Variants in ADAM32 observed in about 807,000 individuals in gnomAD.
The protein encoded by ADAM32 is ADAM metallopeptidase domain 32.
ADAM32 carries 89 observed loss-of-function variants against 114.9 expected under a neutral mutation model. That is an observed-to-expected ratio of 0.77 (90% CI 0.65 to 0.92). ADAM32 has a LOEUF of 0.92. Ranked by LOEUF, ADAM32 falls within the 40% of genes least tolerant of loss-of-function variation. ADAM32 has a pLI of 0.00. For synonymous variants in ADAM32, 285 were observed against 307.5 expected (o/e 0.93, Z 0.77); for missense variants, 870 against 932.8 (o/e 0.93, Z 0.88).
At chr8:39,249,064 C>T (rs934958763) in intron 17 of ADAM32, among the ~76,000 whole-genome samples, 4 of 151,680 alleles carry the variant, frequency 2.6e-5, no homozygotes, top group Admixed American at 6.6e-5. Flanking sequence ...CCACCATGCC[C>T]GGATAATTTT....
intron 11 of ADAM32, among the ~76,000 whole-genome samples, chr8:39,209,848 C>G (rs773602949): frequency 3.9e-5 from 6 of 152,166 alleles, no homozygotes; most frequent in Non-Finnish European, 8.8e-5. Flanking sequence ...GAGTTGCTCT[C>G]TATACTGCAC....
At chr8:39,169,824 T>C in intron 9 of ADAM32, 92 bp from the exon 10 acceptor site, 4 of 942,352 alleles carry the variant, frequency 4.2e-6, no homozygotes, top group Non-Finnish European at 6.2e-6. Context: ...CAGATTTGGA[T>C]TTTATGAACT....
At chr8:39,222,572 A>G (rs1809047264) in intron 13 of ADAM32, among the ~76,000 whole-genome samples, 2 of 152,116 alleles carry the variant, frequency 1.3e-5, no homozygotes, top group African/African-American at 4.8e-5. Flanking sequence ...AAAGACTCTC[A>G]TAGTTGAACT....
At chr8:39,244,822 C>T (rs1260145692) in intron 16 of ADAM32, among the ~76,000 whole-genome samples, 1 of 151,994 alleles carries the variant, frequency 6.6e-6, no homozygotes, top group African/African-American at 2.4e-5. Context: ...GCACGTTGTG[C>T]ACATGTATCC....
At chr8:39,146,026 C>T (rs917108476) in intron 3 of ADAM32, among the ~76,000 whole-genome samples, 4 of 152,186 alleles carry the variant, frequency 2.6e-5, no homozygotes, top group African/African-American at 9.6e-5. Flanking sequence ...GCCACCCCGC[C>T]TGGCTGCTTC....
Position 39,223,039 on chromosome 8 carries a change from G to T in ADAM32, c.1327-1G>T. 6.4e-7 allele frequency: 1 copy of T among 1,563,816 alleles called. No individual in the cohort carries two copies. Among genetic ancestry groups the T allele is most frequent in the Non-Finnish European group, 8.6e-7 (1 of 1,157,218 alleles). The stretch of plus-strand genomic sequence containing the variant: ...ATTTTTTATGTTCTAACTTCTCTTA[G>T]ATTTTACAATCAGGCGTTGAATGTA... On this transcript the variant is annotated splice_acceptor_variant, in intron 13 of 24. Transcript: ENST00000379907. LOFTEE classifies it high-confidence loss of function.
At chr8:39,181,754 T>A (rs1159311008) in intron 10 of ADAM32, among the ~76,000 whole-genome samples, 3 of 152,194 alleles carry the variant, frequency 2.0e-5, no homozygotes. Context: ...GTTGGAACCA[T>A]GAGTTAGATG....
At chr8:39,152,824 C>T (rs761857005) in intron 6 of ADAM32, among the ~76,000 whole-genome samples, 24 of 152,134 alleles carry the variant, frequency 1.6e-4, no homozygotes, top group Non-Finnish European at 2.9e-5. Flanking sequence ...TTCTCAACCT[C>T]CCTTACCTCT....
intron 3 of ADAM32, 79 bp downstream of exon 3, chr8:39,136,797 G>GA: frequency 1.1e-6 from 1 of 924,160 alleles, no homozygotes; most frequent in Non-Finnish European, 1.6e-6. Flanking sequence ...TGGAGTATGA[G>GA]AAAAATACAT....
chr8:39,130,051 T>A (rs1659574806), intron 2 of ADAM32: 1 of 225,258 alleles, frequency 4.4e-6, no homozygotes, highest in African/African-American at 2.3e-5. Flanking sequence ...GCCTCCCAGG[T>A]TCAAGTGATT....
intron 10 of ADAM32, among the ~76,000 whole-genome samples, chr8:39,185,361 A>AAAAAACG (rs1363070763): frequency 6.7e-6 from 1 of 148,904 alleles, no homozygotes; most frequent in African/African-American, 2.5e-5. Context: ...AACAAAAAAC[A>AAAAAACG]AACAAACAAA....
intron 15 of ADAM32, among the ~76,000 whole-genome samples, chr8:39,232,903 A>T (rs1809841905): frequency 6.6e-6 from 1 of 152,190 alleles, no homozygotes; most frequent in South Asian, 2.1e-4. Context: ...TCATATTAAT[A>T]TCATAAACCA....
intron 11 of ADAM32, among the ~76,000 whole-genome samples, chr8:39,205,194 C>A (rs1180404493): frequency 6.6e-6 from 1 of 152,216 alleles, no homozygotes; most frequent in African/African-American, 2.4e-5. Context: ...GTTTCTGCTG[C>A]CTTTTGTTTG....
chr8:39,272,443 T>C (rs1394416169), intron 20 of ADAM32, among the ~76,000 whole-genome samples: 1 of 152,182 alleles, frequency 6.6e-6, no homozygotes, highest in African/African-American at 2.4e-5. Context: ...AAAACCTAGA[T>C]TGTATAGCCT....
intron 6 of ADAM32, among the ~76,000 whole-genome samples, chr8:39,160,448 G>C (rs1264862506): frequency 6.6e-6 from 1 of 151,346 alleles, no homozygotes; most frequent in Non-Finnish European, 1.5e-5. Flanking sequence ...GCTGATGCGG[G>C]AGAATGGCGT....
chr8:39,233,103 A>G (rs1409942384), intron 15 of ADAM32, among the ~76,000 whole-genome samples: 1 of 152,146 alleles, frequency 6.6e-6, no homozygotes, highest in Admixed American at 6.5e-5. Context: ...GGACCCCAAG[A>G]GAGGGTTCTT....
chr8:39,155,973 C>T (rs1379977471), intron 6 of ADAM32, among the ~76,000 whole-genome samples: 1 of 151,984 alleles, frequency 6.6e-6, no homozygotes, highest in Non-Finnish European at 1.5e-5. Context: ...GCTTTGTCTT[C>T]TTTATGTTTT....
chr8:39,158,351 A>G (rs997670771), intron 6 of ADAM32: 3 of 175,112 alleles, frequency 1.7e-5, no homozygotes, highest in African/African-American at 7.3e-5. Flanking sequence ...GTTCCTATAG[A>G]AGTGCCTTTT....
At chr8:39,253,645 ATTAG>A (rs1489104794) in intron 17 of ADAM32, among the ~76,000 whole-genome samples, 1 of 151,704 alleles carries the variant, frequency 6.6e-6, no homozygotes, top group Non-Finnish European at 1.5e-5. Flanking sequence ...AGGAAAGGAG[ATTAG>A]TTAAACAATC....
Sources: gnomAD v4.1 joint callset for allele counts (sites outside exome capture counted in the v4.1 genomes callset) on GRCh38, gnomAD v4.1.1 for gene constraint, MANE v1.5 for transcripts, NCBI Gene and HGNC (gene_info 2026-07-23, HGNC 2026-07-21) for gene names.